MBD6: variants seen among roughly 807,000 people sequenced by gnomAD.
The protein encoded by MBD6 is methyl-CpG binding domain protein 6.
Under a neutral mutation model 66.8 loss-of-function variants are expected in MBD6, and 22 were observed. The ratio of observed to expected loss-of-function variants is 0.33; its 90% CI spans 0.24 to 0.47. The LOEUF (loss-of-function observed/expected upper bound fraction) is 0.47, where lower values mean the gene tolerates loss of function less well. Among genes scored for constraint, MBD6 ranks in the 20% least tolerant of loss-of-function variants. The pLI is 1.00. For missense variants in MBD6, 1,322 were observed against 1,286.9 expected (o/e 1.03, Z -0.42); for synonymous variants, 540 against 534.6 (o/e 1.01, Z -0.14).
At chr12:57,525,294 A>T (rs2140078091) in intron 5 of MBD6, 54 bp from the exon 6 acceptor site, 1 of 1,525,278 alleles carries the variant, frequency 6.6e-7, no homozygotes, top group Non-Finnish European at 8.8e-7. Flanking sequence ...AGAAGACAAA[A>T]GAGTTTTTGG....
Position 57,525,913 on chromosome 12 carries a change from AC to A in MBD6, c.951del (p.Phe318SerfsTer59). On this transcript the variant is annotated frameshift_variant, in exon 6 of 13. Transcript: ENST00000355673. LOFTEE classifies it high-confidence loss of function. Reference sequence around the variant, plus strand: ...CCCCCACGGTGGAGGGGCCTGGGGCACCCCCCTTCCTTGCTAGCAGCCTACT... The same window carrying A: ...CCCCCACGGTGGAGGGGCCTGGGGCACCCCCTTCCTTGCTAGCAGCCTACT... ...GAPTVEGPGA[P>X]PFLASSLLSA... 1 of 1,564,988 alleles carries A rather than the reference AC, an allele frequency of 6.4e-7. No individual in the cohort carries two copies. The highest frequency in any genetic ancestry group is 8.7e-7 in the Non-Finnish European group (1 of 1,153,714).
At position 57,528,279 on chromosome 12, in the gene MBD6, G is replaced by A; in HGVS notation, c.2539G>A (p.Glu847Lys). Residue 847 changes from glutamate to lysine, a missense_variant, in exon 10 of 13, where the codon GAG (glutamate) becomes AAG (lysine). Coordinates refer to ENST00000355673, the MANE Select transcript of MBD6 (RefSeq NM_052897.4). ...PHGSPDPPVP[E>K]LLTGRGSGKR... ...TGGTTCTCCCGACCCCCCAGTCCCT[G>A]AGCTGCTCACTGGGAGGGGGTCAGG... 1 of 1,605,416 alleles carries A rather than the reference G, an allele frequency of 6.2e-7. No individual in the cohort carries two copies.
At chr12:57,530,552 A>G (rs1879572943), downstream of MBD6, 6 of 740,416 alleles carry the variant, frequency 8.1e-6, no homozygotes, top group East Asian at 1.6e-4. Flanking sequence ...TAAACCCCAC[A>G]TGCAAGAAGA....
chr12:57,524,451 T>C, intron 3 of MBD6, 35 bp downstream of exon 3: 1 of 1,520,398 alleles, frequency 6.6e-7, no homozygotes, highest in Non-Finnish European at 8.9e-7. Flanking sequence ...GCTCTGCCAC[T>C]CCAGTTGCCC....
chr12:57,526,583 G>A lies in MBD6; in HGVS notation c.1438G>A (p.Ala480Thr). Residue 480 changes from alanine to threonine, a missense_variant, in exon 7 of 13, where the codon GCT (alanine) becomes ACT (threonine). Physicochemically the swap from Ala to Thr is moderately conservative, Grantham distance 58. Coordinates refer to ENST00000355673, the MANE Select transcript of MBD6 (RefSeq NM_052897.4). ...TTTTACAGGTGCCCCTGCCCCACCAGCTGCCTCCAAAGCCCCAGTAGTCCC... is the reference window on the plus strand; with the variant it reads ...TTTTACAGGTGCCCCTGCCCCACCAACTGCCTCCAAAGCCCCAGTAGTCCC... ...SSVPGAPAPP[A>T]ASKAPVVPSP... 1 of 1,511,012 alleles carries A rather than the reference G, an allele frequency of 6.6e-7. No homozygotes were observed. The highest frequency in any genetic ancestry group is 8.8e-7 in the Non-Finnish European group (1 of 1,131,016). The allele number at this position is 1,511,012 out of a possible 1,614,324, so 93.6% of individuals were successfully genotyped here. A position where few individuals can be genotyped will look rare whatever the true frequency, so the allele number is the denominator to read the frequency against.
Position 57,525,863 on chromosome 12 carries a change from C to T in MBD6, c.895C>T (p.Leu299=). Residue 299 remains leucine, a synonymous_variant, in exon 6 of 13, where the codon CTG becomes TTG. Transcript: ENST00000355673. ...GTCTTCAGCCACTATGCACCTGCCC[C>T]TGGTCCTGGGGCCCCTGGGAGGGGC... The part of the protein sequence containing the change: ...PVSSATMHLP[L]VLGPLGGAPT... 6.2e-7 allele frequency: 1 copy of T among 1,613,730 alleles called. No individual in the cohort carries two copies. Among genetic ancestry groups the T allele is most frequent in the Non-Finnish European group, 8.5e-7 (1 of 1,179,856 alleles).
At chr12:57,527,780 G>A in intron 8 of MBD6, 68 bp from the exon 9 acceptor site, 1 of 1,581,306 alleles carries the variant, frequency 6.3e-7, no homozygotes, top group Non-Finnish European at 8.6e-7. Flanking sequence ...AGCCTAAAGA[G>A]AATAGTAGGT....
intron 3 of MBD6, 59 bp downstream of exon 3, chr12:57,524,475 TC>T: frequency 7.1e-7 from 1 of 1,415,148 alleles, no homozygotes; most frequent in East Asian, 2.4e-5. Context: ...TTTTCTTTCT[TC>T]CGTTTCTTCT....
upstream of MBD6, chr12:57,522,692 G>A (rs2140059417): frequency 1.3e-5 from 2 of 151,694 alleles, no homozygotes; most frequent in African/African-American, 4.8e-5. Flanking sequence ...CGGGGGCCCG[G>A]CCCCGCCCCT....
At chr12:57,526,469 C>G in intron 6 of MBD6, 81 bp downstream of exon 6, 1 of 1,516,886 alleles carries the variant, frequency 6.6e-7, no homozygotes, top group Non-Finnish European at 8.8e-7. Flanking sequence ...TCAGAGAGCT[C>G]TTTGAGGGTT....
chr12:57,522,455 C>A (rs1031198337), upstream of MBD6, among the ~76,000 whole-genome samples: 3 of 152,100 alleles, frequency 2.0e-5, no homozygotes. Context: ...ACCTGGCATT[C>A]CTGGTTCCCG....
At chr12:57,530,257 G>A (rs1202807121), downstream of MBD6, 2 of 156,620 alleles carry the variant, frequency 1.3e-5, no homozygotes, top group African/African-American at 4.8e-5. Flanking sequence ...TATGACGAAT[G>A]AATATCTATA....
In MBD6 at chr12:57,527,142, C is replaced by A. The variant is rs776354044; in HGVS notation, c.1997C>A (p.Pro666Gln). 1 of 1,519,006 alleles carries A rather than the reference C, an allele frequency of 6.6e-7. No individual in the cohort carries two copies. Among genetic ancestry groups the A allele is most frequent in the Admixed American group, 1.9e-5 (1 of 52,126 alleles). 94.1% of individuals were successfully genotyped at this position (1,519,006 alleles called of 1,614,324 possible). ...LGDLSPLLFP[P>Q]LSAPPTLIAL... ...GACCTGTCCCCCCTACTTTTCCCCCCACTTTCAGCCCCCCCTACCCTCATA... is the reference window on the plus strand; with the variant it reads ...GACCTGTCCCCCCTACTTTTCCCCCAACTTTCAGCCCCCCCTACCCTCATA... The change falls in exon 7 of 13, where the codon CCA becomes CAA. Residue 666 changes from proline to glutamine, a missense_variant. Transcript: ENST00000355673.
Position 57,526,254 on chromosome 12 carries a change from G to C in MBD6, c.1286G>C (p.Ser429Thr), listed in dbSNP as rs1878942975. ...PTPGPSHSDG[S>T]FNLLGSDAHL... The stretch of plus-strand genomic sequence containing the variant: ...CCTGGCCCTTCCCACTCTGATGGAA[G>C]CTTTAACCTTTTGGGGTCAGATGCA... Residue 429 changes from serine (S) to threonine (T), a missense_variant, in exon 6 of 13, where the codon AGC becomes ACC. Coordinates refer to ENST00000355673, the MANE Select transcript of MBD6 (RefSeq NM_052897.4). The C allele has an allele frequency of 6.2e-7, 1 of 1,613,676 alleles. No individual in the cohort carries two copies. Among genetic ancestry groups the C allele is most frequent in the Admixed American group, 1.7e-5 (1 of 59,976 alleles).
Position 57,525,934 on chromosome 12 carries a change from C to T in MBD6, c.966C>T (p.Ser322=), listed in dbSNP as rs776794292. 1.9e-6 allele frequency: 3 copies of T among 1,613,314 alleles called. No individual in the cohort carries two copies. The highest frequency in any genetic ancestry group is 2.5e-6 in the Non-Finnish European group (3 of 1,179,704). ...GGGCACCCCCCTTCCTTGCTAGCAG[C>T]CTACTCTCTGCAGCGGCCAAGGCAC... is the stretch of plus-strand genomic sequence containing the variant. The part of the protein sequence containing the change: ...GPGAPPFLAS[S]LLSAAAKAQH... The change falls in exon 6 of 13, where the codon AGC becomes AGT. Residue 322 remains serine (S), a synonymous_variant. Transcript: ENST00000355673.
At position 57,528,396 on chromosome 12, in the gene MBD6, C is replaced by G. The variant is rs765720835; in HGVS notation, c.2656C>G (p.Pro886Ala). The G allele has an allele frequency of 6.2e-7, 1 of 1,612,904 alleles. No individual in the cohort carries two copies. Among genetic ancestry groups the G allele is most frequent in the Non-Finnish European group, 8.5e-7 (1 of 1,179,880 alleles). ...CCGAAAGCCTGGCAGCCGGCGGGAGCCTGGCCGACTGGCCCTCAAATGGGG... is the reference window on the plus strand; with the variant it reads ...CCGAAAGCCTGGCAGCCGGCGGGAGGCTGGCCGACTGGCCCTCAAATGGGG... ...RGRKPGSRRE[P>A]GRLALKWGTR... is the part of the protein sequence containing the mutation. Residue 886 changes from proline to alanine, a missense_variant, in exon 10 of 13, where the codon CCT becomes GCT. By Grantham distance (27) the Pro-to-Ala change is conservative. Coordinates refer to ENST00000355673, the MANE Select transcript of MBD6 (RefSeq NM_052897.4).
rs755099442 is a variant in MBD6 at position 57,526,007 on chromosome 12, C to A, written c.1039C>A (p.Arg347Ser). Residue 347 changes from arginine to serine, a missense_variant, in exon 6 of 13, where the codon CGT becomes AGT. By Grantham distance (110) the Arg-to-Ser change is moderately radical (BLOSUM62 -1). Coordinates refer to ENST00000355673, the MANE Select transcript of MBD6 (RefSeq NM_052897.4). The stretch of plus-strand genomic sequence containing the variant: ...CAGCACTTTACAGGGCCGAAGGCCC[C>A]GTGCCCAGGCACCCTCAGCTTCCCA... The part of the protein sequence containing the change: ...PPSTLQGRRP[R>S]AQAPSASHSS... 6.2e-7 allele frequency: 1 copy of A among 1,613,942 alleles called. No homozygotes were observed. The highest frequency in any genetic ancestry group is 8.5e-7 in the Non-Finnish European group (1 of 1,179,960).
upstream of MBD6, chr12:57,521,774 CG>C (rs1878358743): frequency 6.6e-6 from 1 of 152,208 alleles, no homozygotes; most frequent in Admixed American, 6.5e-5. Flanking sequence ...GTGAGGAGCG[CG>C]GCACAGGCCT....
chr12:57,527,135 T>C lies in MBD6; in HGVS notation c.1990T>C (p.Phe664Leu), dbSNP rs771593008. The C allele has an allele frequency of 2.0e-6, 3 of 1,508,166 alleles. No individual in the cohort carries two copies. Among genetic ancestry groups the C allele is most frequent in the Non-Finnish European group, 2.7e-6 (3 of 1,109,564 alleles). The allele number at this position is 1,508,166 out of a possible 1,614,324, so 93.4% of individuals were successfully genotyped here. A position where few individuals can be genotyped will look rare whatever the true frequency, so the allele number is the denominator to read the frequency against. ...SGLGDLSPLL[F>L]PPLSAPPTLI... ...CTTGGGAGACCTGTCCCCCCTACTT[T>C]TCCCCCCACTTTCAGCCCCCCCTAC... is the stretch of plus-strand genomic sequence containing the variant. The change falls in exon 7 of 13, where the codon TTC becomes CTC. Residue 664 changes from phenylalanine (F) to leucine (L), a missense_variant. By Grantham distance (22) the Phe-to-Leu change is conservative (BLOSUM62 0). Coordinates refer to ENST00000355673, the MANE Select transcript of MBD6 (RefSeq NM_052897.4).
Sources: allele counts gnomAD v4.1 joint callset (sites outside exome capture counted in the v4.1 genomes callset), GRCh38; gene constraint gnomAD v4.1.1; transcripts MANE v1.5; gene names NCBI Gene and HGNC (gene_info 2026-07-23, HGNC 2026-07-21).